Variants in CPNE4 observed in about 807,000 individuals in gnomAD.
CPNE4 encodes the protein copine 4, also known as copine-4.
Under a neutral mutation model 67.9 loss-of-function variants are expected in CPNE4, and 25 were observed. The observed-to-expected ratio is 0.37, with a 90% confidence interval of 0.27 to 0.51. CPNE4 has a LOEUF of 0.51. CPNE4 is among the 20% of genes least tolerant of loss of function. The pLI is 0.93. For synonymous variants in CPNE4, 242 were observed against 244.9 expected, an observed-to-expected ratio of 0.99 and a Z score of 0.11; for missense variants, 464 against 690.8, an observed-to-expected ratio of 0.67 and a Z score of 3.68.
chr3:131,684,227 G>A (rs1344801269), intron 6 of CPNE4, among the ~76,000 whole-genome samples: 1 of 146,974 alleles, frequency 6.8e-6, no homozygotes, highest in East Asian at 1.9e-4. Context: ...GATGATTAGT[G>A]GAGGCTTCTA....
intron 2 of CPNE4, among the ~76,000 whole-genome samples, chr3:131,841,237 C>T (rs886111073): frequency 2.6e-5 from 4 of 152,202 alleles, no homozygotes; most frequent in South Asian, 2.1e-4. Flanking sequence ...TATAAACTGC[C>T]TCCCCTTTCA....
At chr3:131,818,913 G>A (rs112238557) in intron 2 of CPNE4, among the ~76,000 whole-genome samples, 4,805 of 152,094 alleles carry the variant, frequency 0.032, 177 homozygotes, top group South Asian at 0.094. Context: ...CAGCCTGGCC[G>A]ACATGGTGAA....
At chr3:131,768,394 T>A (rs1381267669) in intron 2 of CPNE4, among the ~76,000 whole-genome samples, 1 of 152,146 alleles carries the variant, frequency 6.6e-6, no homozygotes, top group East Asian at 1.9e-4. Flanking sequence ...AATGAATCTA[T>A]CCATTGGGAC....
At chr3:131,901,153 A>G (rs1248165293) in intron 2 of CPNE4, among the ~76,000 whole-genome samples, 2 of 152,092 alleles carry the variant, frequency 1.3e-5, no homozygotes, top group Admixed American at 6.6e-5. Context: ...TGAACTGAAT[A>G]TAAGTCTTTA....
chr3:131,756,023 TA>T (rs879887283), intron 2 of CPNE4, among the ~76,000 whole-genome samples: 1 of 152,184 alleles, frequency 6.6e-6, no homozygotes, highest in Non-Finnish European at 1.5e-5. Flanking sequence ...ACCAAGAATG[TA>T]TCCAAGGGCA....
At chr3:131,559,577 T>C (rs1202405817) in intron 11 of CPNE4, among the ~76,000 whole-genome samples, 1 of 152,040 alleles carries the variant, frequency 6.6e-6, no homozygotes, top group Non-Finnish European at 1.5e-5. Context: ...AAAAATACTT[T>C]GAATCTTTTC....
At chr3:131,903,084 C>G (rs2088611855) in intron 2 of CPNE4, among the ~76,000 whole-genome samples, 1 of 152,094 alleles carries the variant, frequency 6.6e-6, no homozygotes, top group Non-Finnish European at 1.5e-5. Flanking sequence ...TATCTACATA[C>G]AATTAAACAT....
chr3:131,716,695 C>A (rs71315620), intron 3 of CPNE4, among the ~76,000 whole-genome samples: 3 of 152,286 alleles, frequency 2.0e-5, no homozygotes, highest in Non-Finnish European at 2.9e-5. Context: ...CCCTCCATGC[C>A]GGGGGCTCTG....
At chr3:131,966,759 G>C (rs1199693627) in intron 1 of CPNE4, among the ~76,000 whole-genome samples, 2 of 152,056 alleles carry the variant, frequency 1.3e-5, no homozygotes, top group African/African-American at 2.4e-5. Context: ...AACAAAAAAA[G>C]CCCAAGACCA....
intron 2 of CPNE4, among the ~76,000 whole-genome samples, chr3:131,824,413 A>G (rs6776419): frequency 0.032 from 4,809 of 152,238 alleles, 183 homozygotes; most frequent in South Asian, 0.094. Flanking sequence ...TATAATCAAG[A>G]CGGAATTTTT....
At chr3:131,574,712 CT>C (rs1235689323) in intron 10 of CPNE4, among the ~76,000 whole-genome samples, 7 of 152,144 alleles carry the variant, frequency 4.6e-5, no homozygotes, top group African/African-American at 1.7e-4. Flanking sequence ...GTGGAACTTA[CT>C]TGCTTGGCTT....
intron 11 of CPNE4, among the ~76,000 whole-genome samples, chr3:131,559,741 G>A (rs1936659275): frequency 6.6e-6 from 1 of 151,942 alleles, no homozygotes; most frequent in South Asian, 2.1e-4. Context: ...TCGATGAAAA[G>A]GAAGAAACAA....
In CPNE4 at chr3:131,959,038, T is replaced by G. The variant is rs1275541661; in HGVS notation, c.-1-53594A>C. On this transcript the variant is annotated intron_variant, in intron 1 of 15. Transcript: ENST00000429747. ...TTTTTTGAGACGGAGTCTCGCTCTG[T>G]CGCCCAGGCTGGAGTGCAGTGGCGG... 1.0e-4 allele frequency among the ~76,000 whole-genome samples: 2 copies of G among 19,806 alleles called. 1 individual carries two copies. 13.0% of individuals were successfully genotyped at this position (19,806 alleles called of 152,430 possible). A position where few individuals can be genotyped will look rare whatever the true frequency, so the allele number is the denominator to read the frequency against.
At chr3:131,760,721 G>C (rs10934977) in intron 2 of CPNE4, among the ~76,000 whole-genome samples, 58,384 of 152,018 alleles carry the variant, frequency 0.38, 11,589 homozygotes, top group Middle Eastern at 0.48. Context: ...TGCACTCCAT[G>C]AGTAACCAGA....
intron 2 of CPNE4, among the ~76,000 whole-genome samples, chr3:131,873,484 T>C (rs988601208): frequency 6.6e-6 from 1 of 152,220 alleles, no homozygotes; most frequent in African/African-American, 2.4e-5. Context: ...GATCAAGCTC[T>C]ACCCCACTGG....
At chr3:131,824,132 G>A (rs1242593363) in intron 2 of CPNE4, among the ~76,000 whole-genome samples, 2 of 152,116 alleles carry the variant, frequency 1.3e-5, no homozygotes, top group African/African-American at 4.8e-5. Context: ...TTTCTAGTCT[G>A]TAGTACTTTA....
At chr3:131,622,695 G>A (rs1940539010) in intron 7 of CPNE4, among the ~76,000 whole-genome samples, 1 of 152,182 alleles carries the variant, frequency 6.6e-6, no homozygotes, top group Admixed American at 6.5e-5. Context: ...ATGCACAGTG[G>A]GGAACAGTCC....
chr3:131,744,202 T>C (rs1159724243), intron 2 of CPNE4, among the ~76,000 whole-genome samples: 1 of 151,852 alleles, frequency 6.6e-6, no homozygotes, highest in Non-Finnish European at 1.5e-5. Flanking sequence ...CTATCAGTAT[T>C]AATAAGAGGA....
intron 1 of CPNE4, among the ~76,000 whole-genome samples, chr3:131,929,959 G>T (rs751494764): frequency 6.6e-5 from 10 of 152,172 alleles, no homozygotes; most frequent in African/African-American, 1.2e-4. Flanking sequence ...AGATCCACAT[G>T]CAGGACAGGT....
Sources: gnomAD v4.1 joint callset for allele counts (sites outside exome capture counted in the v4.1 genomes callset) on GRCh38, gnomAD v4.1.1 for gene constraint, MANE v1.5 for transcripts, NCBI Gene and HGNC (gene_info 2026-07-23, HGNC 2026-07-21) for gene names.